The following TRAK1 variants were observed in gnomAD, a reference collection of about 807,000 sequenced individuals.
TRAK1 encodes trafficking kinesin protein 1.
A neutral mutation model predicts 92.1 loss-of-function variants in TRAK1; 33 were observed. That is an observed-to-expected ratio of 0.36 (90% CI 0.27 to 0.48). The LOEUF is 0.48. Among genes scored for constraint, TRAK1 ranks in the 20% least tolerant of loss-of-function variants. The pLI, the probability that TRAK1 is intolerant of heterozygous loss-of-function variation, is 0.99. For missense variants in TRAK1, 1,123 were observed against 1,257.9 expected (o/e 0.89, Z 1.62); for synonymous variants, 521 against 517.3 (o/e 1.01, Z -0.10).
chr3:42,014,231 G>T (rs1463603750), intron 1 of TRAK1: 1 of 152,376 alleles, frequency 6.6e-6, no homozygotes, highest in Non-Finnish European at 1.5e-5. Context: ...GAGAGGCCGG[G>T]CGCCGGGACC....
At chr3:42,146,741 A>G (rs1442128841) in intron 2 of TRAK1, among the ~76,000 whole-genome samples, 1 of 152,030 alleles carries the variant, frequency 6.6e-6, no homozygotes, top group African/African-American at 2.4e-5. Flanking sequence ...TTTTTTGTAG[A>G]GATGAGATTT....
At chr3:42,105,146 G>T (rs572392914) in intron 1 of TRAK1, among the ~76,000 whole-genome samples, 8 of 151,810 alleles carry the variant, frequency 5.3e-5, no homozygotes, top group South Asian at 2.1e-4. Flanking sequence ...TAGAGACGGG[G>T]TTTCTCCATG....
intron 1 of TRAK1, among the ~76,000 whole-genome samples, chr3:42,057,699 G>A (rs1408565022): frequency 1.3e-5 from 2 of 152,102 alleles, no homozygotes; most frequent in African/African-American, 4.8e-5. Flanking sequence ...CTGACCTGCT[G>A]TGTGTGGCCA....
rs185301185 is a variant in TRAK1 at position 42,046,571 on chromosome 3, T to G, written c.-519+32454T>G. ...ACAAGCCAGAGGATAAATGAGCTGG[T>G]GCCTAGAGTTCCTCTGACTTTAGTA... On this transcript the variant is annotated intron_variant, in intron 1 of 16. Coordinates refer to the TRAK1 transcript ENST00000487159. Among the ~76,000 whole-genome samples, 55 of 152,250 alleles carry G rather than the reference T, an allele frequency of 3.6e-4. No individual in the cohort carries two copies. In the East Asian group the frequency reaches 0.01, roughly 28 times the overall value.
chr3:42,127,507 G>A (rs1175796048), intron 2 of TRAK1, among the ~76,000 whole-genome samples: 3 of 151,718 alleles, frequency 2.0e-5, no homozygotes, highest in African/African-American at 7.3e-5. Flanking sequence ...TATGTACCAC[G>A]TACCACCACG....
intron 2 of TRAK1, among the ~76,000 whole-genome samples, chr3:42,131,894 C>CA (rs1268409501): frequency 8.4e-6 from 1 of 118,512 alleles, no homozygotes; most frequent in African/African-American, 3.4e-5. Flanking sequence ...CCCATCTCTA[C>CA]AAAAAATTAA....
intron 1 of TRAK1, among the ~76,000 whole-genome samples, chr3:42,038,624 A>G (rs564094839): frequency 1.3e-5 from 2 of 151,822 alleles, no homozygotes; most frequent in South Asian, 2.1e-4. Flanking sequence ...CATCTCTACT[A>G]AAAATACAAA....
chr3:42,223,755 G>A lies in TRAK1; in HGVS notation c.*18G>A. ...TACGGTGAGGACTGGAGGGGGGCCG[G>A]TTGCCCTAGAGGAGACCCACGTTCT... On this transcript the variant is annotated 3_prime_UTR_variant, in exon 16 of 16. Transcript: ENST00000327628. The surrounding 1 kb of genome is among the most constrained non-coding windows in gnomAD (Gnocchi z 6.1). 6.3e-7 allele frequency: 1 copy of A among 1,586,500 alleles called. No individual in the cohort carries two copies.
intron 2 of TRAK1, among the ~76,000 whole-genome samples, chr3:42,139,333 C>T (rs997550872): frequency 1.3e-5 from 2 of 152,224 alleles, no homozygotes; most frequent in African/African-American, 4.8e-5. Flanking sequence ...TGTTAGTTGA[C>T]ACAGACGTCT....
upstream of TRAK1, chr3:42,087,498 G>T (rs1175629902): frequency 6.5e-6 from 1 of 152,688 alleles, no homozygotes; most frequent in African/African-American, 2.4e-5. Flanking sequence ...TCTTGGGGAG[G>T]TATGTGGAGA....
chr3:42,185,681 T>TG (rs1704708202), intron 4 of TRAK1, among the ~76,000 whole-genome samples: 1 of 151,166 alleles, frequency 6.6e-6, no homozygotes, highest in Admixed American at 6.6e-5. Flanking sequence ...TTCTTTTTTT[T>TG]TTTTTTTGAG....
chr3:42,159,868 C>T (rs1701039647), intron 2 of TRAK1, among the ~76,000 whole-genome samples: 1 of 152,226 alleles, frequency 6.6e-6, no homozygotes, highest in Non-Finnish European at 1.5e-5. Flanking sequence ...AGTGCTTCAG[C>T]AGGACAATTC....
intron 1 of TRAK1, among the ~76,000 whole-genome samples, chr3:42,118,844 TCTG>T (rs1253322534): frequency 6.6e-6 from 1 of 152,232 alleles, no homozygotes; most frequent in African/African-American, 2.4e-5. Flanking sequence ...TGGATTGACA[TCTG>T]CTGAGCAATT....
At chr3:42,103,629 C>G (rs924402692) in intron 1 of TRAK1, among the ~76,000 whole-genome samples, 2 of 152,080 alleles carry the variant, frequency 1.3e-5, no homozygotes, top group African/African-American at 2.4e-5. Flanking sequence ...TATGGCTGGG[C>G]TCGTGTCTGT....
At chr3:42,175,128 G>A (rs1167259737) in intron 2 of TRAK1, among the ~76,000 whole-genome samples, 1 of 152,066 alleles carries the variant, frequency 6.6e-6, no homozygotes, top group African/African-American at 2.4e-5. Context: ...CGGTGAGTGG[G>A]GATAAGCAGG....
In TRAK1 at chr3:42,223,748, G is replaced by T. The variant is rs764672310; in HGVS notation, c.*11G>T. On this transcript the variant is annotated 3_prime_UTR_variant, in exon 16 of 16. Coordinates refer to ENST00000327628, the MANE Select transcript of TRAK1 (RefSeq NM_001042646.3). The surrounding 1 kb of genome is among the most constrained non-coding windows in gnomAD (Gnocchi z 6.1). ...ACTAGCTTACGGTGAGGACTGGAGG[G>T]GGGCCGGTTGCCCTAGAGGAGACCC... The T allele has an allele frequency of 2.5e-6, 4 of 1,591,414 alleles. No individual in the cohort carries two copies. In the East Asian group the frequency reaches 9.0e-5, roughly 36 times the overall value.
chr3:42,219,229 A>G lies in TRAK1; in HGVS notation c.1964-265A>G, dbSNP rs1002202653. The G allele has an allele frequency of 4.1e-6, 4 of 982,834 alleles. 1 individual carries two copies. Among genetic ancestry groups the G allele is most frequent in the East Asian group, 1.1e-4 (1 of 8,734 alleles). 60.9% of individuals were successfully genotyped at this position (982,834 alleles called of 1,614,324 possible). On this transcript the variant is annotated intron_variant, in intron 14 of 15. Coordinates refer to ENST00000327628, the MANE Select transcript of TRAK1 (RefSeq NM_001042646.3). The stretch of plus-strand genomic sequence containing the variant: ...CTCCCACCCCCAGACTGGATCCACT[A>G]CTGGCCCAAGAATACTGATGAGAAA...
intron 1 of TRAK1, among the ~76,000 whole-genome samples, chr3:42,040,039 T>G (rs1485653265): frequency 6.8e-6 from 1 of 146,796 alleles, no homozygotes; most frequent in Non-Finnish European, 1.5e-5. Context: ...ATTCAGGTCC[T>G]TTGCCTATTT....
chr3:42,192,987 T>G, intron 7 of TRAK1, 88 bp from the exon 8 acceptor site: 6 of 1,548,740 alleles, frequency 3.9e-6, no homozygotes, highest in Non-Finnish European at 5.2e-6. Context: ...ATGGTTTTTC[T>G]TGTGCAAACC....
Sources: gnomAD v4.1 joint callset for allele counts (sites outside exome capture counted in the v4.1 genomes callset) on GRCh38, gnomAD v4.1.1 for gene constraint, Gnocchi (gnomAD v3.1) non-coding constraint, MANE v1.5 for transcripts, NCBI Gene and HGNC (gene_info 2026-07-23, HGNC 2026-07-21) for gene names.